ZNF318: variants seen among roughly 807,000 people sequenced by gnomAD.
ZNF318 encodes the protein endocrine regulator.
A neutral mutation model predicts 124.2 loss-of-function variants in ZNF318; 51 were observed. The observed-to-expected ratio is 0.41, with a 90% CI of 0.33 to 0.52. The LOEUF (loss-of-function observed/expected upper bound fraction) is 0.52, where lower values mean the gene tolerates loss of function less well. ZNF318 is among the 20% of genes least tolerant of loss of function. The pLI is 0.23. For missense variants in ZNF318, 2,815 were observed against 2,811.2 expected (o/e 1.00, Z -0.03); for synonymous variants, 1,090 against 1,040.7 (o/e 1.05, Z -0.91).
intron 7 of ZNF318, among the ~76,000 whole-genome samples, chr6:43,342,414 T>A (rs1359924844): frequency 9.3e-6 from 1 of 107,596 alleles, no homozygotes. Context: ...AAAGGTAAAA[T>A]GAAACAAAAA....
At position 43,342,142 on chromosome 6, in the gene ZNF318, G is replaced by A. The variant is rs757137064; in HGVS notation, c.3346C>T (p.Arg1116Cys). Residue 1116 changes from arginine (R) to cysteine (C), a missense_variant, in exon 8 of 10, where the codon CGC becomes TGC. Physicochemically the swap from Arg to Cys is radical, Grantham distance 180 (BLOSUM62 -3). Transcript: ENST00000361428. ...GCAGGAACAGTTATCTTGTCAGTGC[G>A]CTTTATGGCATCTTGCTTGGCCTCA... is the stretch of plus-strand genomic sequence containing the variant. ...QSEAKQDAIK[R>C]TDKITVPAKG... The A allele has an allele frequency of 1.9e-5, 31 of 1,613,980 alleles. No individual in the cohort carries two copies. In the East Asian group the frequency reaches 2.2e-4, roughly 12 times the overall value.
rs757930376 is a variant in ZNF318, at chr6:43,354,754, T to C, written c.2580A>G (p.Gln860=). 3.7e-6 allele frequency: 6 copies of C among 1,614,172 alleles called. No individual in the cohort carries two copies. The South Asian group carries it at 5.5e-5, about 15-fold the overall frequency. Residue 860 remains glutamine (Q), a synonymous_variant, in exon 4 of 10, where the codon CAA becomes CAG. Coordinates refer to ENST00000361428, the MANE Select transcript of ZNF318 (RefSeq NM_014345.3). ...ESLRGSIPAA[Q]VPVQVSIPSL... ...ATGGAATGGACACCTGGACAGGCAC[T>C]TGGGCCGCAGGAATTGAGCCTCGCA...
At chr6:43,344,525 T>G (rs1162452340) in intron 6 of ZNF318, among the ~76,000 whole-genome samples, 2 of 152,226 alleles carry the variant, frequency 1.3e-5, no homozygotes, top group African/African-American at 4.8e-5. Context: ...TAAAATACAC[T>G]TGAATAATCA....
intron 7 of ZNF318, 122 bp from the exon 8 acceptor site, chr6:43,342,333 C>T: frequency 1.5e-6 from 1 of 688,130 alleles, no homozygotes; most frequent in South Asian, 2.0e-5. Context: ...CCACCCCCAC[C>T]CCCTCTGCCA....
At chr6:43,346,873 G>A (rs142346082) in intron 6 of ZNF318, among the ~76,000 whole-genome samples, 1 of 152,290 alleles carries the variant, frequency 6.6e-6, no homozygotes, top group African/African-American at 2.4e-5. Context: ...TCATTACTAT[G>A]TGCTGGGCCC....
In ZNF318 at chr6:43,337,983, G is replaced by A; in HGVS notation, c.6015C>T (p.Asp2005=). 6.2e-7 allele frequency: 1 copy of A among 1,614,156 alleles called. No individual in the cohort carries two copies. Among genetic ancestry groups the A allele is most frequent in the Non-Finnish European group, 8.5e-7 (1 of 1,180,022 alleles). The change falls in exon 10 of 10, where the codon GAC becomes GAT. Residue 2005 remains aspartate, a synonymous_variant. Coordinates refer to ENST00000361428, the MANE Select transcript of ZNF318 (RefSeq NM_014345.3). ...SKALEDFEAT[D]LKVEELTALG... is the part of the protein sequence containing the mutation. ...GGGCAGTAAGCTCCTCTACCTTTAAGTCTGTAGCTTCAAAGTCTTCTAGGG... is the reference window on the plus strand; with the variant it reads ...GGGCAGTAAGCTCCTCTACCTTTAAATCTGTAGCTTCAAAGTCTTCTAGGG...
chr6:43,366,093 C>T (rs1779757906), intron 1 of ZNF318, among the ~76,000 whole-genome samples: 1 of 151,838 alleles, frequency 6.6e-6, no homozygotes, highest in African/African-American at 2.4e-5. Context: ...AAACATGGTA[C>T]CATAAAAGGA....
chr6:43,341,960 G>A (rs1025785713), intron 8 of ZNF318, 152 bp downstream of exon 8: 28 of 690,052 alleles, frequency 4.1e-5, no homozygotes, highest in Non-Finnish European at 6.4e-5. Flanking sequence ...TCAGGACCTA[G>A]TACACTGTTT....
At chr6:43,350,331 C>T (rs7757879) in intron 5 of ZNF318, among the ~76,000 whole-genome samples, 4,373 of 152,202 alleles carry the variant, frequency 0.029, 224 homozygotes, top group African/African-American at 0.097. Context: ...AGCTAACTCA[C>T]AGGGGGTCCC....
chr6:43,352,446 C>G lies in ZNF318; in HGVS notation c.2701G>C (p.Asp901His). ...ATCTTCTTCTGGCGGGCTTCCCGGT[C>G]ATTCTTTAGTTTTTCCCTCTCTTCA... ...VIEEREKLKN[D>H]REARQKKMYY... The change falls in exon 5 of 10, where the codon GAC (aspartate) becomes CAC (histidine). Residue 901 changes from aspartate to histidine, a missense_variant. Asp to His is a moderately conservative substitution (Grantham distance 81, BLOSUM62 -1). Transcript: ENST00000361428. The G allele has an allele frequency of 8.7e-6, 14 of 1,614,094 alleles. No individual in the cohort carries two copies. Among genetic ancestry groups the G allele is most frequent in the Non-Finnish European group, 1.1e-5 (13 of 1,180,006 alleles).
intron 6 of ZNF318, among the ~76,000 whole-genome samples, chr6:43,346,072 A>T (rs1253837544): frequency 6.6e-6 from 1 of 150,654 alleles, no homozygotes. Flanking sequence ...GTGGTGGCAC[A>T]CGCCTGTAAC....
chr6:43,340,550 G>GA (rs1297339442), intron 9 of ZNF318, 48 bp from the exon 10 acceptor site: 2 of 1,532,032 alleles, frequency 1.3e-6, no homozygotes, highest in Non-Finnish European at 1.7e-6. Flanking sequence ...AAATACAAGA[G>GA]AAAAAAATCT....
chr6:43,365,840 TA>T (rs1779753864), intron 1 of ZNF318, among the ~76,000 whole-genome samples: 2 of 152,186 alleles, frequency 1.3e-5, no homozygotes, highest in Non-Finnish European at 2.9e-5. Flanking sequence ...ATGGTTATGG[TA>T]AGACACTATA....
intron 6 of ZNF318, among the ~76,000 whole-genome samples, chr6:43,343,891 T>C (rs1779406166): frequency 6.6e-6 from 1 of 150,814 alleles, no homozygotes; most frequent in Admixed American, 6.6e-5. Context: ...TAAAAATATA[T>C]CAACTTCTTA....
At chr6:43,363,988 C>A (rs1402123024) in intron 2 of ZNF318, 2 of 700,216 alleles carry the variant, frequency 2.9e-6, no homozygotes, top group Non-Finnish European at 5.1e-6. Context: ...CGGCTCTGTG[C>A]TGGTGCACCT....
chr6:43,336,094 T>C lies in ZNF318; in HGVS notation c.*1064A>G, dbSNP rs918852186. ...ATGAGATTAATGCATTTATTCCAAG[T>C]AATTAACACATTAAAAATAAAGTTA... On this transcript the variant is annotated 3_prime_UTR_variant, in exon 10 of 10. Coordinates refer to ENST00000361428, the MANE Select transcript of ZNF318 (RefSeq NM_014345.3). 2.0e-5 allele frequency: 3 copies of C among 152,652 alleles called. No individual in the cohort carries two copies. Among genetic ancestry groups the C allele is most frequent in the African/African-American group, 7.2e-5 (3 of 41,454 alleles). The allele number at this position is 152,652 out of a possible 1,614,324, so 9.5% of individuals were successfully genotyped here. A position where few individuals can be genotyped will look rare whatever the true frequency, so the allele number is the denominator to read the frequency against.
In ZNF318 at chr6:43,337,060, T is replaced by C. The variant is rs74725336; in HGVS notation, c.*98A>G. ...AAGATGCTGACTGCATCTCTTGGTG[T>C]AGGTTCCAGATGAGATAACAAACTA... is the stretch of plus-strand genomic sequence containing the variant. On this transcript the variant is annotated 3_prime_UTR_variant, in exon 10 of 10. Transcript: ENST00000361428. The C allele has an allele frequency of 0.024, 27,815 of 1,159,944 alleles. 406 individuals are homozygous for C. Among genetic ancestry groups the C allele is most frequent in the Middle Eastern group, 0.038 (144 of 3,770 alleles). 71.9% of individuals were successfully genotyped at this position (1,159,944 alleles called of 1,614,324 possible). A position where few individuals can be genotyped will look rare whatever the true frequency, so the allele number is the denominator to read the frequency against.
At chr6:43,358,570 T>A (rs1779642850) in intron 2 of ZNF318, among the ~76,000 whole-genome samples, 1 of 151,710 alleles carries the variant, frequency 6.6e-6, no homozygotes, top group African/African-American at 2.4e-5. Context: ...CCTGTTTTGT[T>A]TAAGACAGAG....
intron 5 of ZNF318, 121 bp downstream of exon 5, chr6:43,352,256 T>TCACCAC: frequency 1.4e-6 from 1 of 723,580 alleles, no homozygotes; most frequent in South Asian, 1.9e-5. Flanking sequence ...TTTGTAAGTT[T>TCACCAC]AATTACGTCA....
Sources: gnomAD v4.1 joint callset for allele counts (sites outside exome capture counted in the v4.1 genomes callset) on GRCh38, gnomAD v4.1.1 for gene constraint, MANE v1.5 for transcripts, NCBI Gene and HGNC (gene_info 2026-07-23, HGNC 2026-07-21) for gene names.